Variants in PLEKHA7 observed in about 807,000 individuals in gnomAD.
The protein encoded by PLEKHA7 is pleckstrin homology domain containing A7, also known as pleckstrin homology domain-containing family A member 7.
PLEKHA7 carries 104 observed loss-of-function variants against 170.0 expected under a neutral mutation model. The observed-to-expected ratio is 0.61, with a 90% CI of 0.52 to 0.72. The LOEUF (loss-of-function observed/expected upper bound fraction) is 0.72, where lower values mean the gene tolerates loss of function less well. Among genes scored for constraint, PLEKHA7 ranks in the 30% least tolerant of loss-of-function variants. PLEKHA7 has a pLI of 0.00. For missense variants in PLEKHA7, 1,615 were observed against 1,671.7 expected (o/e 0.97, Z 0.59); for synonymous variants, 648 against 660.8 (o/e 0.98, Z 0.30).
chr11:16,940,825 C>A (rs1860648494), intron 3 of PLEKHA7, among the ~76,000 whole-genome samples: 1 of 152,052 alleles, frequency 6.6e-6, no homozygotes, highest in African/African-American at 2.4e-5. Context: ...AGTGATGGAG[C>A]CCTGAATTAA....
chr11:16,982,845 A>AGG (rs1411611778), intron 3 of PLEKHA7, among the ~76,000 whole-genome samples: 3 of 151,776 alleles, frequency 2.0e-5, no homozygotes, highest in Non-Finnish European at 4.4e-5. Flanking sequence ...AGAGAGAGAG[A>AGG]GAGAAACTCC....
At chr11:16,889,585 G>A (rs191907340) in intron 3 of PLEKHA7, among the ~76,000 whole-genome samples, 357 of 151,192 alleles carry the variant, frequency 2.4e-3, no homozygotes, top group Non-Finnish European at 4.3e-3. Context: ...CTGAGTGACA[G>A]GAGTCAACAC....
At chr11:16,997,655 C>A (rs1460377839) in intron 3 of PLEKHA7, among the ~76,000 whole-genome samples, 4 of 152,204 alleles carry the variant, frequency 2.6e-5, no homozygotes, top group Non-Finnish European at 5.9e-5. Context: ...ACAGCCTATA[C>A]CCTCCCTCAG....
At position 16,791,222 on chromosome 11, in the gene PLEKHA7, C is replaced by T. The variant is rs748976750; in HGVS notation, c.2746-23G>A. ...TTCCTGCTGAGAAAGAGAACCAGAC[C>T]AGTGGTCAGCGAGACGGAGCTGGAG... On this transcript the variant is annotated intron_variant, in intron 19 of 26. Transcript: ENST00000531066. This position sits in a 1 kb window ranked among gnomAD's most constrained non-coding sequence, Gnocchi z 4.5. 8.3e-6 allele frequency: 13 copies of T among 1,559,962 alleles called. No homozygotes were observed. Among genetic ancestry groups the T allele is most frequent in the Non-Finnish European group, 1.1e-5 (13 of 1,152,518 alleles).
At chr11:16,927,915 A>G (rs145280645) in intron 3 of PLEKHA7, among the ~76,000 whole-genome samples, 38 of 152,208 alleles carry the variant, frequency 2.5e-4, no homozygotes, top group Admixed American at 7.2e-4. Context: ...AACTTTTAAA[A>G]TGATATTTTA....
At chr11:17,003,050 T>C (rs991583080) in intron 3 of PLEKHA7, among the ~76,000 whole-genome samples, 1 of 139,046 alleles carries the variant, frequency 7.2e-6, no homozygotes, top group Non-Finnish European at 1.5e-5. Flanking sequence ...TGGCATGCAA[T>C]GGCGCAATTT....
rs1849633041 is a variant in PLEKHA7 at position 16,789,353 on chromosome 11, G to A, written c.3157-57C>T. On this transcript the variant is annotated intron_variant, in intron 22 of 26. Coordinates refer to ENST00000531066, the MANE Select transcript of PLEKHA7 (RefSeq NM_001329630.2). This position sits in a 1 kb window ranked among gnomAD's most constrained non-coding sequence, Gnocchi z 4.6. ...AGAACAGCTGGGCTGGGCACGCAGA[G>A]GACAGCCACCCTGCTGGCTGCATTC... The A allele has an allele frequency of 6.5e-6, 10 of 1,534,578 alleles. No individual in the cohort carries two copies. The highest frequency in any genetic ancestry group is 7.2e-6 in the Non-Finnish European group (8 of 1,115,772).
chr11:16,837,491 G>A (rs977250351), intron 9 of PLEKHA7, among the ~76,000 whole-genome samples: 5 of 152,106 alleles, frequency 3.3e-5, no homozygotes, highest in African/African-American at 4.8e-5. Context: ...CATCTCTAGT[G>A]TAATAACACA....
intron 3 of PLEKHA7, among the ~76,000 whole-genome samples, chr11:16,904,029 T>C (rs1857503029): frequency 6.6e-6 from 1 of 152,340 alleles, no homozygotes; most frequent in Middle Eastern, 3.4e-3. Context: ...CCCTCAGATC[T>C]TTCACAGCCA....
At chr11:16,984,698 G>A (rs542423811) in intron 3 of PLEKHA7, among the ~76,000 whole-genome samples, 10 of 152,104 alleles carry the variant, frequency 6.6e-5, no homozygotes, top group East Asian at 3.9e-4. Context: ...TAACCATTTC[G>A]TTTGCTCTCT....
intron 3 of PLEKHA7, among the ~76,000 whole-genome samples, chr11:16,956,913 C>A (rs1487854085): frequency 6.6e-6 from 1 of 152,068 alleles, no homozygotes; most frequent in Non-Finnish European, 1.5e-5. Context: ...CCTTGAAGAA[C>A]AGAAAGATAA....
chr11:16,784,729 A>C (rs978069607), intron 24 of PLEKHA7, among the ~76,000 whole-genome samples: 2 of 152,226 alleles, frequency 1.3e-5, no homozygotes, highest in Non-Finnish European at 2.9e-5. Context: ...AGGGCAAATC[A>C]GGTCATGGAT....
chr11:16,782,167 ACACACC>A (rs1008626699), intron 26 of PLEKHA7, among the ~76,000 whole-genome samples: 6 of 151,806 alleles, frequency 4.0e-5, no homozygotes, highest in Admixed American at 2.6e-4. Flanking sequence ...ACGGACACAC[ACACACC>A]CACACACACA....
intron 3 of PLEKHA7, among the ~76,000 whole-genome samples, chr11:16,979,069 G>C (rs1863246333): frequency 6.6e-6 from 1 of 152,126 alleles, no homozygotes; most frequent in South Asian, 2.1e-4. Context: ...ACGCAGTCTT[G>C]TTGTGCTGCC....
intron 4 of PLEKHA7, among the ~76,000 whole-genome samples, chr11:16,866,965 C>T (rs1456721822): frequency 6.6e-6 from 1 of 152,088 alleles, no homozygotes; most frequent in Non-Finnish European, 1.5e-5. Flanking sequence ...GGAGAAGTCA[C>T]CATGGGATGG....
chr11:16,900,318 T>TA (rs1857252032), intron 3 of PLEKHA7, among the ~76,000 whole-genome samples: 1 of 152,162 alleles, frequency 6.6e-6, no homozygotes, highest in Admixed American at 6.5e-5. Context: ...AAATCTTGTT[T>TA]AAAAAAATAT....
chr11:16,852,837 TTG>T (rs1040766535), intron 6 of PLEKHA7, among the ~76,000 whole-genome samples: 6 of 152,346 alleles, frequency 3.9e-5, no homozygotes, highest in African/African-American at 1.4e-4. Context: ...TATTCTGCTG[TTG>T]TGTTTTCCTT....
At position 16,786,312 on chromosome 11, in the gene PLEKHA7, TCTC is replaced by T. The variant is rs1422468214; in HGVS notation, c.3430_3432del (p.Glu1144del). On this transcript the variant is annotated inframe_deletion, in exon 24 of 27. Transcript: ENST00000531066. ...ATGGCCTGCACTTTCAACCAGCCAT[TCTC>T]CTCCTTGTCCTTTTTTTCCCCTTGC... 18 of 1,535,982 alleles carry T rather than the reference TCTC, an allele frequency of 1.2e-5. No homozygotes were observed. Among genetic ancestry groups the T allele is most frequent in the Admixed American group, 2.0e-5 (1 of 50,984 alleles).
At chr11:16,876,617 G>T (rs1855314013) in intron 3 of PLEKHA7, among the ~76,000 whole-genome samples, 1 of 152,208 alleles carries the variant, frequency 6.6e-6, no homozygotes, top group African/African-American at 2.4e-5. Context: ...AAGCCCTAAA[G>T]AAGTCTGACA....
Sources: gnomAD v4.1 joint callset for allele counts (sites outside exome capture counted in the v4.1 genomes callset) on GRCh38, gnomAD v4.1.1 for gene constraint, Gnocchi (gnomAD v3.1) non-coding constraint, MANE v1.5 for transcripts, NCBI Gene and HGNC (gene_info 2026-07-23, HGNC 2026-07-21) for gene names.